The following ADAMTS12 variants were observed in gnomAD, a reference collection of about 807,000 sequenced individuals.
ADAMTS12 encodes the protein ADAM metallopeptidase with thrombospondin type 1 motif 12, also known as A disintegrin and metalloproteinase with thrombospondin motifs 12.
A neutral mutation model predicts 167.8 loss-of-function variants in ADAMTS12; 118 were observed. The ratio of observed to expected loss-of-function variants is 0.70; its 90% CI spans 0.61 to 0.82. The LOEUF is 0.82. Among genes scored for constraint, ADAMTS12 ranks in the 40% least tolerant of loss-of-function variants. The pLI, the probability that ADAMTS12 is intolerant of heterozygous loss-of-function variation, is 0.00. For missense variants in ADAMTS12, 1,916 were observed against 1,998.8 expected, an observed-to-expected ratio of 0.96 and a Z score of 0.79; for synonymous variants, 704 against 716.9, an observed-to-expected ratio of 0.98 and a Z score of 0.29.
intron 3 of ADAMTS12, among the ~76,000 whole-genome samples, chr5:33,718,965 A>G (rs1743709165): frequency 6.6e-6 from 1 of 152,108 alleles, no homozygotes; most frequent in African/African-American, 2.4e-5. Context: ...GGAGTGGCAA[A>G]AGTAAGAAAG....
rs1359171834 is a variant in ADAMTS12 at position 33,658,302 on chromosome 5, A to C, written c.1072T>G (p.Cys358Gly). The change falls in exon 7 of 24, where the codon TGC (cysteine) becomes GGC (glycine). Residue 358 changes from cysteine (C) to glycine (G), a missense_variant. Transcript: ENST00000504830. ...KDICAGFNRP[C>G]ETLGLSHLSG... ...AGGTGAGACAGGCCCAGGGTCTCGCAGGGGCGATTGAAACCAGCACAGATG... is the reference window on the plus strand; with the variant it reads ...AGGTGAGACAGGCCCAGGGTCTCGCCGGGGCGATTGAAACCAGCACAGATG... 1.9e-6 allele frequency: 3 copies of C among 1,613,698 alleles called. No individual in the cohort carries two copies. Among genetic ancestry groups the C allele is most frequent in the Non-Finnish European group, 2.5e-6 (3 of 1,179,664 alleles).
rs186548335 is a variant in ADAMTS12 at position 33,862,690 on chromosome 5, T to G, written c.489+18429A>C. On this transcript the variant is annotated intron_variant, in intron 2 of 23. Coordinates refer to ENST00000504830, the MANE Select transcript of ADAMTS12 (RefSeq NM_030955.4). ...AAGAGGGAATCCTCCCTAACTCATT[T>G]TATGAGGCCAGCATCACCCTGATAC... Among the ~76,000 whole-genome samples the G allele has an allele frequency of 1.5e-3, 222 of 152,306 alleles. 2 individuals carry two copies. The highest frequency in any genetic ancestry group is 5.1e-3 in the African/African-American group (213 of 41,564).
chr5:33,748,292 G>C (rs1355277280), intron 3 of ADAMTS12, among the ~76,000 whole-genome samples: 1 of 152,068 alleles, frequency 6.6e-6, no homozygotes, highest in Non-Finnish European at 1.5e-5. Flanking sequence ...AATTTCCCCT[G>C]GATTTAATTC....
intron 3 of ADAMTS12, among the ~76,000 whole-genome samples, chr5:33,694,300 T>C (rs1056205221): frequency 1.3e-5 from 2 of 152,218 alleles, no homozygotes; most frequent in Non-Finnish European, 2.9e-5. Context: ...ACAGAAAAAC[T>C]AAGGGCTATT....
chr5:33,828,485 T>C (rs1748173305), intron 2 of ADAMTS12, among the ~76,000 whole-genome samples: 1 of 152,202 alleles, frequency 6.6e-6, no homozygotes. Context: ...TTTTATATAA[T>C]CATATTTCTC....
intron 2 of ADAMTS12, among the ~76,000 whole-genome samples, chr5:33,878,587 A>G (rs184709299): frequency 1.3e-5 from 2 of 152,292 alleles, no homozygotes; most frequent in East Asian, 3.9e-4. Flanking sequence ...CAAGATGAAA[A>G]TAGGGAGCAA....
intron 5 of ADAMTS12, among the ~76,000 whole-genome samples, chr5:33,678,760 G>T (rs575883544): frequency 1.3e-5 from 2 of 152,286 alleles, no homozygotes; most frequent in Admixed American, 1.3e-4. Flanking sequence ...AGGGTGGCAG[G>T]AGGGTGGATA....
intron 3 of ADAMTS12, among the ~76,000 whole-genome samples, chr5:33,690,674 T>C (rs1225290329): frequency 2.0e-5 from 3 of 152,096 alleles, no homozygotes; most frequent in African/African-American, 7.2e-5. Flanking sequence ...TCTGAATGAG[T>C]CGAGAATTTA....
chr5:33,797,627 G>C (rs1376718391), intron 2 of ADAMTS12, among the ~76,000 whole-genome samples: 1 of 151,984 alleles, frequency 6.6e-6, no homozygotes, highest in African/African-American at 2.4e-5. Context: ...AACCACTCTA[G>C]ACTATGTTCG....
At chr5:33,630,734 A>C (rs4260678) in intron 13 of ADAMTS12, 46 bp downstream of exon 13, 1 of 1,569,426 alleles carries the variant, frequency 6.4e-7, no homozygotes, top group African/African-American at 1.4e-5. Flanking sequence ...AATTAGTAAA[A>C]GTCATGATTT....
intron 2 of ADAMTS12, among the ~76,000 whole-genome samples, chr5:33,851,782 G>T (rs1321390796): frequency 6.6e-6 from 1 of 152,220 alleles, no homozygotes; most frequent in Non-Finnish European, 1.5e-5. Context: ...AAGCCTAGCT[G>T]ATTTCATTCA....
intron 2 of ADAMTS12, among the ~76,000 whole-genome samples, chr5:33,844,231 G>C (rs1161735436): frequency 6.6e-6 from 1 of 152,070 alleles, no homozygotes; most frequent in African/African-American, 2.4e-5. Context: ...TGAAATCTGG[G>C]CACCTTGAAA....
Position 33,525,251 on chromosome 5 carries a change from C to T in ADAMTS12, c.*1937G>A, listed in dbSNP as rs1432364900. On this transcript the variant is annotated 3_prime_UTR_variant, in exon 24 of 24. Coordinates refer to ENST00000504830, the MANE Select transcript of ADAMTS12 (RefSeq NM_030955.4). ...ATTATTCACCAGAGATTGCTATCGGCCAGCAATGTTTATGTTTAAAGGCAG... is the reference window on the plus strand; with the variant it reads ...ATTATTCACCAGAGATTGCTATCGGTCAGCAATGTTTATGTTTAAAGGCAG... The T allele has an allele frequency of 1.3e-5, 2 of 152,176 alleles. No homozygotes were observed. The highest frequency in any genetic ancestry group is 4.8e-5 in the African/African-American group (2 of 41,436). The allele number at this position is 152,176 out of a possible 1,614,324, so 9.4% of individuals were successfully genotyped here. A position where few individuals can be genotyped will look rare whatever the true frequency, so the allele number is the denominator to read the frequency against.
intron 3 of ADAMTS12, among the ~76,000 whole-genome samples, chr5:33,712,344 A>C (rs1743431550): frequency 1.3e-5 from 2 of 152,174 alleles, no homozygotes; most frequent in Admixed American, 1.3e-4. Flanking sequence ...TACCACCCTC[A>C]AGAAGTAAAA....
At chr5:33,863,696 A>T (rs1038405268) in intron 2 of ADAMTS12, among the ~76,000 whole-genome samples, 2 of 152,230 alleles carry the variant, frequency 1.3e-5, no homozygotes, top group Non-Finnish European at 2.9e-5. Flanking sequence ...CAGAATTAGA[A>T]AAAACTACTT....
At chr5:33,831,708 G>A (rs1023504523) in intron 2 of ADAMTS12, among the ~76,000 whole-genome samples, 1 of 152,208 alleles carries the variant, frequency 6.6e-6, no homozygotes, top group African/African-American at 2.4e-5. Flanking sequence ...AAATTAAGCA[G>A]ACTGCTTAAT....
intron 19 of ADAMTS12, among the ~76,000 whole-genome samples, 185 bp downstream of exon 19, chr5:33,575,869 A>C (rs971214899): frequency 6.6e-6 from 1 of 152,114 alleles, no homozygotes; most frequent in Non-Finnish European, 1.5e-5. Flanking sequence ...TAATTTACAT[A>C]ATTTTTTTTC....
chr5:33,826,503 C>T (rs1334702417), intron 2 of ADAMTS12, among the ~76,000 whole-genome samples: 1 of 151,668 alleles, frequency 6.6e-6, no homozygotes, highest in Non-Finnish European at 1.5e-5. Flanking sequence ...TGTATGAACT[C>T]ATGTATATGC....
At chr5:33,654,365 C>T (rs1056310402) in intron 7 of ADAMTS12, among the ~76,000 whole-genome samples, 2 of 152,052 alleles carry the variant, frequency 1.3e-5, no homozygotes. Flanking sequence ...ATATTGAAAC[C>T]TGGAGGTTTT....
Sources: allele counts gnomAD v4.1 joint callset (sites outside exome capture counted in the v4.1 genomes callset), GRCh38; gene constraint gnomAD v4.1.1; transcripts MANE v1.5; gene names NCBI Gene and HGNC (gene_info 2026-07-23, HGNC 2026-07-21).